AVEN: variants seen among roughly 807,000 people sequenced by gnomAD.
AVEN encodes apoptosis and caspase activation inhibitor, also known as cell death regulator Aven.
A neutral mutation model predicts 38.1 loss-of-function variants in AVEN; 41 were observed. The ratio of observed to expected loss-of-function variants is 1.08; its 90% CI spans 0.84 to 1.40. The LOEUF (loss-of-function observed/expected upper bound fraction) is 1.40, where lower values mean the gene tolerates loss of function less well. AVEN is among the 40% of genes most tolerant of loss of function. The pLI, the probability that AVEN is intolerant of heterozygous loss-of-function variation, is 0.00. For synonymous variants in AVEN, 206 were observed against 171.8 expected, an observed-to-expected ratio of 1.20 and a Z score of -1.56; for missense variants, 605 against 438.8, an observed-to-expected ratio of 1.38 and a Z score of -3.38.
chr15:34,042,562 G>A (rs1036642377), upstream of AVEN, among the ~76,000 whole-genome samples: 2 of 151,548 alleles, frequency 1.3e-5, no homozygotes, highest in African/African-American at 4.8e-5. Context: ...CACCACGCCC[G>A]GCTAATTTTT....
intron 2 of AVEN, chr15:33,992,108 C>G (rs916087498): frequency 6.6e-6 from 1 of 152,206 alleles, no homozygotes; most frequent in African/African-American, 2.4e-5. Context: ...AAAATCAGGC[C>G]GGGCGCGATG....
At chr15:33,887,337 T>C (rs1891746845) in intron 2 of AVEN, among the ~76,000 whole-genome samples, 1 of 152,232 alleles carries the variant, frequency 6.6e-6, no homozygotes, top group South Asian at 2.1e-4. Context: ...TGAAAACTTG[T>C]AATATTCAGA....
At chr15:33,951,035 G>A in intron 2 of AVEN, among the ~76,000 whole-genome samples, 1 of 151,284 alleles carries the variant, frequency 6.6e-6, no homozygotes, top group East Asian at 2.0e-4. Flanking sequence ...AGGAAGGAAA[G>A]GAAGGGAGAG....
chr15:33,938,519 G>A (rs2153053047), intron 2 of AVEN, among the ~76,000 whole-genome samples: 1 of 152,160 alleles, frequency 6.6e-6, no homozygotes, highest in East Asian at 1.9e-4. Flanking sequence ...AGACACCACA[G>A]ACAAAGTAAA....
chr15:33,996,569 G>T (rs934295698), intron 2 of AVEN, among the ~76,000 whole-genome samples: 1 of 152,222 alleles, frequency 6.6e-6, no homozygotes, highest in Non-Finnish European at 1.5e-5. Flanking sequence ...AACAGGGCCT[G>T]GAGTGGACCT....
chr15:33,996,105 G>A (rs1896921651), intron 2 of AVEN, among the ~76,000 whole-genome samples: 2 of 152,254 alleles, frequency 1.3e-5, no homozygotes, highest in Non-Finnish European at 2.9e-5. Flanking sequence ...ATAGACCTGT[G>A]AGGCAGCAGC....
intron 2 of AVEN, among the ~76,000 whole-genome samples, chr15:33,914,688 C>A (rs1249437402): frequency 1.3e-5 from 2 of 151,044 alleles, no homozygotes; most frequent in Non-Finnish European, 2.9e-5. Flanking sequence ...GATATACAAA[C>A]ATGGAGCAGG....
chr15:34,059,057 C>A (rs1385656023), intron 5 of AVEN, among the ~76,000 whole-genome samples: 2 of 149,424 alleles, frequency 1.3e-5, no homozygotes, highest in Non-Finnish European at 2.9e-5. Context: ...CCACCATGCC[C>A]AGCTAACTTT....
At chr15:33,876,486 C>A (rs904962243) in intron 2 of AVEN, among the ~76,000 whole-genome samples, 4 of 152,026 alleles carry the variant, frequency 2.6e-5, no homozygotes, top group Admixed American at 2.6e-4. Flanking sequence ...GCAGGAGAAT[C>A]GCTTCAACCC....
downstream of AVEN, among the ~76,000 whole-genome samples, chr15:33,857,123 GC>G (rs1477739071): frequency 6.6e-6 from 1 of 152,092 alleles, no homozygotes; most frequent in African/African-American, 2.4e-5. Context: ...CCAATCTAAT[GC>G]CCTATACATT....
In AVEN at chr15:33,939,129, C is replaced by G. The variant is rs954777961; in HGVS notation, c.446-63134G>C. Reference sequence around the variant, plus strand: ...GTGCTGGGATTACAGGCATGAGCCACCACGCCCGGCCACACCTATTTCTTT... The same window carrying G: ...GTGCTGGGATTACAGGCATGAGCCAGCACGCCCGGCCACACCTATTTCTTT... On this transcript the variant is annotated intron_variant, in intron 2 of 5. Coordinates refer to ENST00000306730, the MANE Select transcript of AVEN (RefSeq NM_020371.3). 2.0e-5 allele frequency among the ~76,000 whole-genome samples: 3 copies of G among 152,326 alleles called. No individual in the cohort carries two copies. The South Asian group carries it at 6.2e-4, about 32-fold the overall frequency.
intron 2 of AVEN, among the ~76,000 whole-genome samples, chr15:33,937,988 C>G (rs1436595746): frequency 8.3e-6 from 1 of 120,352 alleles, no homozygotes; most frequent in African/African-American, 2.9e-5. Flanking sequence ...AATTAAAGTA[C>G]TAAATATGAA....
rs564680475 is a variant in AVEN at position 33,927,049 on chromosome 15, T to C, written c.446-51054A>G. Among the ~76,000 whole-genome samples the C allele has an allele frequency of 4.4e-3, 672 of 152,182 alleles. 4 individuals are homozygous for C. Among genetic ancestry groups the C allele is most frequent in the South Asian group, 6.2e-3 (30 of 4,810 alleles). On this transcript the variant is annotated intron_variant, in intron 2 of 5. Coordinates refer to ENST00000306730, the MANE Select transcript of AVEN (RefSeq NM_020371.3). ...ACAGGCGGATCACAAGGTCAGGAGATTGAGACCATCCTGGCTAACACGGTG... is the reference window on the plus strand; with the variant it reads ...ACAGGCGGATCACAAGGTCAGGAGACTGAGACCATCCTGGCTAACACGGTG...
At chr15:33,943,859 A>G (rs983255650) in intron 2 of AVEN, among the ~76,000 whole-genome samples, 1 of 146,950 alleles carries the variant, frequency 6.8e-6, no homozygotes, top group Non-Finnish European at 1.5e-5. Context: ...AGTTGTTACC[A>G]TGGTAAATTA....
chr15:34,053,304 A>AC (rs1300686698), intron 5 of AVEN, among the ~76,000 whole-genome samples: 1 of 85,662 alleles, frequency 1.2e-5, no homozygotes, highest in Non-Finnish European at 2.3e-5. Flanking sequence ...CATCTCAAAA[A>AC]AAAAAAAAAA....
chr15:33,853,506 T>G, the AVEN span: 2 of 1,594,148 alleles, frequency 1.3e-6, no homozygotes, highest in South Asian at 1.1e-5. Flanking sequence ...CTAGAAAATA[T>G]TTGGTGGTGG....
At chr15:34,014,522 C>A (rs963862230) in intron 1 of AVEN, among the ~76,000 whole-genome samples, 6 of 152,044 alleles carry the variant, frequency 3.9e-5, no homozygotes, top group Non-Finnish European at 7.4e-5. Flanking sequence ...GCCACAAAAG[C>A]CTAGGTGACA....
At chr15:33,907,047 G>A (rs1275152078) in intron 2 of AVEN, among the ~76,000 whole-genome samples, 2 of 151,992 alleles carry the variant, frequency 1.3e-5, no homozygotes. Flanking sequence ...TCTACCTGAC[G>A]GCCCACAGCT....
chr15:34,068,294 G>A (rs902841374), intron 2 of AVEN, among the ~76,000 whole-genome samples: 7 of 148,506 alleles, frequency 4.7e-5, no homozygotes, highest in Admixed American at 2.0e-4. Flanking sequence ...TGGCAGCTTC[G>A]ACCTCCCAGA....
Sources: gnomAD v4.1 joint callset for allele counts (sites outside exome capture counted in the v4.1 genomes callset) on GRCh38, gnomAD v4.1.1 for gene constraint, MANE v1.5 for transcripts, NCBI Gene and HGNC (gene_info 2026-07-23, HGNC 2026-07-21) for gene names.